WNT3: variants seen among roughly 807,000 people sequenced by gnomAD.
WNT3 encodes the protein proto-oncogene Wnt-3.
In WNT3, 7 loss-of-function variants were observed where a neutral mutation model predicts 34.2. The observed-to-expected ratio is 0.20, with a 90% CI of 0.12 to 0.38. WNT3 has a LOEUF of 0.38. Among genes scored for constraint, WNT3 ranks in the 10% least tolerant of loss-of-function variants. WNT3 has a pLI of 1.00. For missense variants in WNT3, 267 were observed against 499.8 expected, an observed-to-expected ratio of 0.53 and a Z score of 4.44; for synonymous variants, 212 against 211.5, an observed-to-expected ratio of 1.00 and a Z score of -0.02.
At chr17:46,766,125 C>T (rs2059310709) in intron 4 of WNT3, among the ~76,000 whole-genome samples, 1 of 152,064 alleles carries the variant, frequency 6.6e-6, no homozygotes, top group Non-Finnish European at 1.5e-5. Flanking sequence ...AGTACTGATT[C>T]TGGCCGGGCG....
rs2059284679 is a variant in WNT3, at chr17:46,763,376, TGCTGGTTC to T, written c.*1246_*1253del. ...TGCTTCACCTAAGGGAGTAGGTGACTGCTGGTTCCCCTTTGAACTTCTAATCCAGATCC... is the reference window on the plus strand; with the variant it reads ...TGCTTCACCTAAGGGAGTAGGTGACTCCCTTTGAACTTCTAATCCAGATCC... On this transcript the variant is annotated 3_prime_UTR_variant, in exon 5 of 5. Coordinates refer to ENST00000225512, the MANE Select transcript of WNT3 (RefSeq NM_030753.5). 1 of 152,176 alleles carries T rather than the reference TGCTGGTTC, an allele frequency of 6.6e-6. No homozygotes were observed. The highest frequency in any genetic ancestry group is 1.5e-5 in the Non-Finnish European group (1 of 68,028). 9.4% of individuals were successfully genotyped at this position (152,176 alleles called of 1,614,324 possible). A position where few individuals can be genotyped will look rare whatever the true frequency, so the allele number is the denominator to read the frequency against.
chr17:46,817,381 C>CG (rs1263819927), intron 1 of WNT3, among the ~76,000 whole-genome samples: 1 of 152,092 alleles, frequency 6.6e-6, no homozygotes, highest in African/African-American at 2.4e-5. Flanking sequence ...TCCCCCCGCC[C>CG]AGGCCAAGGC....
At chr17:46,801,083 T>A (rs780502814) in intron 1 of WNT3, among the ~76,000 whole-genome samples, 1 of 152,162 alleles carries the variant, frequency 6.6e-6, no homozygotes, top group Non-Finnish European at 1.5e-5. Context: ...TATCCTTTCA[T>A]CCTCACAATA....
intron 1 of WNT3, among the ~76,000 whole-genome samples, chr17:46,782,186 T>C (rs1236651262): frequency 2.0e-5 from 3 of 152,202 alleles, no homozygotes; most frequent in African/African-American, 7.2e-5. Context: ...CCTTTCTCCA[T>C]GCGGAAATCT....
chr17:46,767,304 C>G (rs2059322215), intron 4 of WNT3, among the ~76,000 whole-genome samples: 1 of 152,144 alleles, frequency 6.6e-6, no homozygotes, highest in Non-Finnish European at 1.5e-5. Context: ...TCCTGCTCCC[C>G]GTCATCATCC....
rs1395927789 is a variant in WNT3 at position 46,768,152 on chromosome 17, G to C, written c.*8+160C>G. Among the ~76,000 whole-genome samples the C allele has an allele frequency of 1.3e-5, 2 of 152,138 alleles. No individual in the cohort carries two copies. Among genetic ancestry groups the C allele is most frequent in the Admixed American group, 1.3e-4 (2 of 15,284 alleles). On this transcript the variant is annotated intron_variant, in intron 4 of 4. Coordinates refer to ENST00000225512, the MANE Select transcript of WNT3 (RefSeq NM_030753.5). This position sits in a 1 kb window ranked among gnomAD's most constrained non-coding sequence, Gnocchi z 5.0. ...GTCTCTGCCCAAGGACCATTCCCAC[G>C]GATGCTTGAAAAATCCTAGCTTCCT... is the stretch of plus-strand genomic sequence containing the variant.
chr17:46,765,302 G>A (rs2146364811), intron 4 of WNT3, among the ~76,000 whole-genome samples: 2 of 152,322 alleles, frequency 1.3e-5, no homozygotes, highest in East Asian at 3.9e-4. Context: ...GGCGCAGCCA[G>A]GCCACTCGAC....
intron 1 of WNT3, among the ~76,000 whole-genome samples, chr17:46,805,154 C>G (rs550880195): frequency 1.6e-4 from 24 of 152,042 alleles, no homozygotes; most frequent in Non-Finnish European, 2.6e-4. Flanking sequence ...GAGACGAACC[C>G]TGGTCCTCAA....
chr17:46,771,933 CGCCGCCGCCGCGCCTCGCCCCTTCCG>C (rs1321471249), intron 2 of WNT3, among the ~76,000 whole-genome samples: 1 of 146,648 alleles, frequency 6.8e-6, no homozygotes, highest in African/African-American at 2.5e-5. Context: ...GGGCCCGCCG[CGCCGCCGCCGCGCCTCGCCCCTTCCG>C]GCCGCCGACC....
In WNT3 at chr17:46,768,167, C is replaced by T; in HGVS notation, c.*8+145G>A. 1.6e-6 allele frequency: 2 copies of T among 1,213,828 alleles called. No homozygotes were observed. Among genetic ancestry groups the T allele is most frequent in the Non-Finnish European group, 2.3e-6 (2 of 867,232 alleles). The allele number at this position is 1,213,828 out of a possible 1,614,324, so 75.2% of individuals were successfully genotyped here. A position where few individuals can be genotyped will look rare whatever the true frequency, so the allele number is the denominator to read the frequency against. On this transcript the variant is annotated intron_variant, in intron 4 of 4. Transcript: ENST00000225512. This position sits in a 1 kb window ranked among gnomAD's most constrained non-coding sequence, Gnocchi z 5.0. ...CCATTCCCACGGATGCTTGAAAAATCCTAGCTTCCTATTTTGGCTGTGGGA... is the reference window on the plus strand; with the variant it reads ...CCATTCCCACGGATGCTTGAAAAATTCTAGCTTCCTATTTTGGCTGTGGGA...
intron 1 of WNT3, among the ~76,000 whole-genome samples, chr17:46,796,092 G>A (rs943343812): frequency 1.3e-5 from 2 of 152,228 alleles, no homozygotes; most frequent in Admixed American, 6.5e-5. Flanking sequence ...ACGCCTGCAG[G>A]CCAGGGCTTT....
intron 1 of WNT3, among the ~76,000 whole-genome samples, chr17:46,786,465 G>A (rs2059507473): frequency 1.3e-5 from 2 of 152,226 alleles, no homozygotes; most frequent in South Asian, 4.1e-4. Context: ...CGGGTAAAAG[G>A]CAGGGACCTC....
chr17:46,795,004 G>A (rs2084035599), intron 1 of WNT3, among the ~76,000 whole-genome samples: 1 of 152,028 alleles, frequency 6.6e-6, no homozygotes, highest in South Asian at 2.1e-4. Flanking sequence ...GCCCGCCTCG[G>A]CCTCCCAAAA....
rs374185346 is a variant in WNT3 at position 46,763,831 on chromosome 17, C to CAAAAAAAAAA, written c.*789_*798dup. 2.4e-5 allele frequency: 3 copies of CAAAAAAAAAA among 123,664 alleles called. No homozygotes were observed. Among genetic ancestry groups the CAAAAAAAAAA allele is most frequent in the African/African-American group, 6.4e-5 (2 of 31,116 alleles). 7.7% of individuals were successfully genotyped at this position (123,664 alleles called of 1,614,324 possible). A position where few individuals can be genotyped will look rare whatever the true frequency, so the allele number is the denominator to read the frequency against. On this transcript the variant is annotated 3_prime_UTR_variant, in exon 5 of 5. Coordinates refer to ENST00000225512, the MANE Select transcript of WNT3 (RefSeq NM_030753.5). ...GCCTATTTACAAGGTCCACTACCACCAAAAAAAAAAAAAAACAAAAAAACA... is the reference window on the plus strand; with the variant it reads ...GCCTATTTACAAGGTCCACTACCACCAAAAAAAAAAAAAAAAAAAAAAAAACAAAAAAACA...
chr17:46,806,941 C>T (rs1330635063), intron 1 of WNT3, among the ~76,000 whole-genome samples: 1 of 152,138 alleles, frequency 6.6e-6, no homozygotes, highest in African/African-American at 2.4e-5. Context: ...CTGGGCACTC[C>T]GTCACCTGTG....
At chr17:46,771,507 G>A (rs1313986910) in intron 2 of WNT3, among the ~76,000 whole-genome samples, 2 of 149,324 alleles carry the variant, frequency 1.3e-5, no homozygotes, top group East Asian at 3.9e-4. Context: ...GGCGGCGGGG[G>A]CGGGGCGGGG....
At position 46,818,259 on chromosome 17, in the gene WNT3, A is replaced by C. The variant is rs541254060; in HGVS notation, c.80+259T>G. ...GGGCAGAGGGTTAGGATCTAAGAAT[A>C]AGAAACCTTCTGAGATGGGAAAAGT... On this transcript the variant is annotated intron_variant, in intron 1 of 4. Coordinates refer to ENST00000225512, the MANE Select transcript of WNT3 (RefSeq NM_030753.5). 6.4e-4 allele frequency among the ~76,000 whole-genome samples: 98 copies of C among 152,122 alleles called. 1 individual carries two copies. Among genetic ancestry groups the C allele is most frequent in the African/African-American group, 2.3e-3 (97 of 41,476 alleles).
At chr17:46,789,117 G>A (rs560994736) in intron 1 of WNT3, among the ~76,000 whole-genome samples, 87 of 152,318 alleles carry the variant, frequency 5.7e-4, no homozygotes, top group Non-Finnish European at 9.1e-4. Flanking sequence ...AGCACAGTGC[G>A]TGGGGCACTC....
intron 1 of WNT3, among the ~76,000 whole-genome samples, chr17:46,782,294 G>C (rs2059467994): frequency 6.6e-6 from 1 of 152,192 alleles, no homozygotes; most frequent in African/African-American, 2.4e-5. Flanking sequence ...GAGAGGGAGA[G>C]GAGGAGGGAA....
Sources: gnomAD v4.1 joint callset for allele counts (sites outside exome capture counted in the v4.1 genomes callset) on GRCh38, gnomAD v4.1.1 for gene constraint, Gnocchi (gnomAD v3.1) non-coding constraint, MANE v1.5 for transcripts, NCBI Gene and HGNC (gene_info 2026-07-23, HGNC 2026-07-21) for gene names.